PTPRT: variants seen among roughly 807,000 people sequenced by gnomAD.
The protein encoded by PTPRT is receptor-type tyrosine-protein phosphatase T.
A neutral mutation model predicts 176.8 loss-of-function variants in PTPRT; 56 were observed. The observed-to-expected ratio is 0.32, with a 90% CI of 0.26 to 0.40. The LOEUF is 0.40. Ranked by LOEUF, PTPRT falls within the 10% of genes least tolerant of loss-of-function variation. The pLI, the probability that PTPRT is intolerant of heterozygous loss-of-function variation, is 1.00. For missense variants in PTPRT, 1,540 were observed against 1,908.2 expected, an observed-to-expected ratio of 0.81 and a Z score of 3.60; for synonymous variants, 783 against 739.0, an observed-to-expected ratio of 1.06 and a Z score of -0.96.
intron 9 of PTPRT, among the ~76,000 whole-genome samples, chr20:42,394,016 A>G (rs900041813): frequency 6.6e-6 from 1 of 151,920 alleles, no homozygotes; most frequent in Non-Finnish European, 1.5e-5. Flanking sequence ...GTAAAAATGC[A>G]CAAAGTCTAT....
chr20:42,909,217 A>G (rs565369790), intron 1 of PTPRT, among the ~76,000 whole-genome samples: 1 of 152,266 alleles, frequency 6.6e-6, no homozygotes, highest in East Asian at 1.9e-4. Context: ...CTATGTGTGT[A>G]TGTATCCTAT....
chr20:42,811,525 A>G (rs1203178976), intron 2 of PTPRT, among the ~76,000 whole-genome samples: 3 of 152,222 alleles, frequency 2.0e-5, no homozygotes, highest in Non-Finnish European at 4.4e-5. Context: ...AAGAACACAG[A>G]TTGTGAAGAA....
At chr20:42,766,382 C>G (rs747287547) in intron 5 of PTPRT, among the ~76,000 whole-genome samples, 3 of 152,204 alleles carry the variant, frequency 2.0e-5, no homozygotes, top group Non-Finnish European at 4.4e-5. Context: ...TTTTTACTAG[C>G]CTTCTATCAT....
In PTPRT at chr20:42,756,490, C is replaced by T; in HGVS notation, c.831G>A (p.Val277=). 2.5e-6 allele frequency: 4 copies of T among 1,595,400 alleles called. No homozygotes were observed. The South Asian group carries it at 4.5e-5, about 18-fold the overall frequency. The part of the protein sequence containing the change: ...CVIRSDGGSG[V]SNYAELIVKE... ...TCACGATCAGCTCCGCGTAGTTGGA[C>T]ACACCAGACCCACCATCAGAGCGGA... The change falls in exon 6 of 31, where the codon GTG becomes GTA. Residue 277 remains valine, a synonymous_variant. Transcript: ENST00000373187.
intron 7 of PTPRT, among the ~76,000 whole-genome samples, chr20:42,631,111 A>G (rs1395754978): frequency 1.3e-5 from 2 of 152,118 alleles, no homozygotes; most frequent in Non-Finnish European, 2.9e-5. Context: ...ATGGTATCAA[A>G]AGAGGTCAAG....
chr20:42,750,514 A>T (rs1403087714), intron 6 of PTPRT, among the ~76,000 whole-genome samples: 1 of 152,172 alleles, frequency 6.6e-6, no homozygotes, highest in Non-Finnish European at 1.5e-5. Flanking sequence ...TGTATTTAGA[A>T]CAATAATCCC....
intron 2 of PTPRT, among the ~76,000 whole-genome samples, chr20:42,813,168 C>T (rs2077725742): frequency 6.6e-6 from 1 of 152,114 alleles, no homozygotes; most frequent in Non-Finnish European, 1.5e-5. Context: ...TTTTGGGCCT[C>T]AATTTGTTTC....
intron 1 of PTPRT, among the ~76,000 whole-genome samples, chr20:43,052,850 A>T (rs1008238331): frequency 6.6e-6 from 1 of 152,178 alleles, no homozygotes; most frequent in Non-Finnish European, 1.5e-5. Flanking sequence ...ATCTCCACAG[A>T]TTTGTCTCTT....
intron 1 of PTPRT, among the ~76,000 whole-genome samples, chr20:42,973,276 GT>G (rs1982759778): frequency 6.6e-6 from 1 of 152,118 alleles, no homozygotes; most frequent in Non-Finnish European, 1.5e-5. Flanking sequence ...TGAGGAAGTA[GT>G]ACGTTTTGGG....
chr20:42,738,541 C>G (rs1439587027), intron 6 of PTPRT, among the ~76,000 whole-genome samples: 1 of 151,964 alleles, frequency 6.6e-6, no homozygotes, highest in Non-Finnish European at 1.5e-5. Flanking sequence ...TCTTACCACT[C>G]TCTAAATGGT....
chr20:42,648,925 T>G (rs1008093602), intron 7 of PTPRT, among the ~76,000 whole-genome samples: 1 of 149,842 alleles, frequency 6.7e-6, no homozygotes, highest in African/African-American at 2.5e-5. Context: ...TTCATGCCAT[T>G]CTCCTGCCTC....
intron 1 of PTPRT, among the ~76,000 whole-genome samples, chr20:43,183,954 T>TACAAACATTCATGCTCGTGTCTTTC (rs2015327562): frequency 1.3e-5 from 2 of 152,264 alleles, no homozygotes; most frequent in African/African-American, 4.8e-5. Flanking sequence ...ATAATGCTGC[T>TACAAACATTCATGCTCGTGTCTTTC]ACAAACATTC....
At chr20:42,342,855 G>A (rs1037783846) in intron 11 of PTPRT, among the ~76,000 whole-genome samples, 5 of 152,204 alleles carry the variant, frequency 3.3e-5, no homozygotes, top group Non-Finnish European at 7.3e-5. Context: ...TTCTTTAAAA[G>A]TAGGCTGTAT....
chr20:42,147,047 T>C (rs1418376174), intron 17 of PTPRT, among the ~76,000 whole-genome samples: 1 of 152,208 alleles, frequency 6.6e-6, no homozygotes, highest in Non-Finnish European at 1.5e-5. Context: ...AGCCAGTTAC[T>C]TCTATTATTA....
chr20:42,937,922 C>T (rs958950525), intron 1 of PTPRT, among the ~76,000 whole-genome samples: 5 of 152,130 alleles, frequency 3.3e-5, no homozygotes, highest in African/African-American at 9.7e-5. Context: ...CTCAGATATG[C>T]TAAGTCACTT....
chr20:42,110,585 G>A (rs563773854), intron 22 of PTPRT, 98 bp from the exon 23 acceptor site: 22 of 1,309,492 alleles, frequency 1.7e-5, no homozygotes, highest in African/African-American at 7.3e-5. Flanking sequence ...GGAACCTCCC[G>A]CAGGGACAGG....
At chr20:42,098,862 C>A (rs549850830) in intron 26 of PTPRT, among the ~76,000 whole-genome samples, 1 of 152,342 alleles carries the variant, frequency 6.6e-6, no homozygotes, top group South Asian at 2.1e-4. Flanking sequence ...ATTTCAGATG[C>A]AGATTTGTTG....
chr20:42,415,815 CATT>C (rs2059061079), intron 9 of PTPRT, among the ~76,000 whole-genome samples: 1 of 152,096 alleles, frequency 6.6e-6, no homozygotes, highest in East Asian at 1.9e-4. Context: ...TCATCTCCAT[CATT>C]ATTTATAGGG....
chr20:42,670,661 C>G (rs1316028625), intron 7 of PTPRT, among the ~76,000 whole-genome samples: 1 of 152,152 alleles, frequency 6.6e-6, no homozygotes, highest in Non-Finnish European at 1.5e-5. Context: ...TGTACAAAGC[C>G]ACTTTTCACT....
Sources: allele counts gnomAD v4.1 joint callset (sites outside exome capture counted in the v4.1 genomes callset), GRCh38; gene constraint gnomAD v4.1.1; transcripts MANE v1.5; gene names NCBI Gene and HGNC (gene_info 2026-07-23, HGNC 2026-07-21).